ZKSCAN5: variants seen among roughly 807,000 people sequenced by gnomAD.
ZKSCAN5 encodes the protein zinc finger protein with KRAB and SCAN domains 5.
ZKSCAN5 carries 28 observed loss-of-function variants against 60.0 expected under a neutral mutation model. That is an observed-to-expected ratio of 0.47 (90% CI 0.35 to 0.64). The LOEUF (loss-of-function observed/expected upper bound fraction) is 0.64, where lower values mean the gene tolerates loss of function less well. Ranked by LOEUF, ZKSCAN5 falls within the 30% of genes least tolerant of loss-of-function variation. The pLI is 0.01. For synonymous variants in ZKSCAN5, 361 were observed against 371.2 expected (o/e 0.97, Z 0.31); for missense variants, 881 against 1,034.6 (o/e 0.85, Z 2.04).
Position 99,533,876 on chromosome 7 carries a change from A to G in ZKSCAN5, c.*1627A>G, listed in dbSNP as rs926744948. 2.9e-6 allele frequency: 1 copy of G among 350,092 alleles called. No homozygotes were observed. Among genetic ancestry groups the G allele is most frequent in the Non-Finnish European group, 5.1e-6 (1 of 195,832 alleles). 21.7% of individuals were successfully genotyped at this position (350,092 alleles called of 1,614,324 possible). A position where few individuals can be genotyped will look rare whatever the true frequency, so the allele number is the denominator to read the frequency against. On this transcript the variant is annotated 3_prime_UTR_variant, in exon 7 of 7. Coordinates refer to ENST00000326775, the MANE Select transcript of ZKSCAN5 (RefSeq NM_145102.4). ...TGCTTTAGAGAACCTGATCTAAGAC[A>G]TTTGGTGCCACAAGTGGTCATAGGA...
intron 2 of ZKSCAN5, 128 bp from the exon 3 acceptor site, chr7:99,512,325 G>A (rs1322167622): frequency 2.5e-6 from 3 of 1,200,106 alleles, no homozygotes; most frequent in African/African-American, 1.5e-5. Flanking sequence ...CATAATCAGT[G>A]CGTGGCTCAT....
rs889409659 is a variant in ZKSCAN5 at position 99,528,717 on chromosome 7, C to T, written c.1378+2299C>T. 5.9e-5 allele frequency among the ~76,000 whole-genome samples: 9 copies of T among 152,188 alleles called. No individual in the cohort carries two copies. In the East Asian group the frequency reaches 1.3e-3, roughly 23 times the overall value. On this transcript the variant is annotated intron_variant, in intron 6 of 6. Coordinates refer to ENST00000326775, the MANE Select transcript of ZKSCAN5 (RefSeq NM_145102.4). ...GCTAGGAGTTACAGGTGTGAGCCAC[C>T]ATGCCCGGTCCTCCCTCATTTTTCT... is the stretch of plus-strand genomic sequence containing the variant.
chr7:99,528,988 A>G (rs1723948972), intron 6 of ZKSCAN5, among the ~76,000 whole-genome samples: 1 of 152,090 alleles, frequency 6.6e-6, no homozygotes, highest in African/African-American at 2.4e-5. Context: ...GGATTGCTGT[A>G]TCACCCACCC....
At position 99,533,957 on chromosome 7, in the gene ZKSCAN5, C is replaced by T. The variant is rs1289127379; in HGVS notation, c.*1708C>T. ...TCACTCGCCAGGAGGGAGTGAAGACCCGCATCACTGTTAATAGTCCTGGCA... is the reference window on the plus strand; with the variant it reads ...TCACTCGCCAGGAGGGAGTGAAGACTCGCATCACTGTTAATAGTCCTGGCA... On this transcript the variant is annotated 3_prime_UTR_variant, in exon 7 of 7. Transcript: ENST00000326775. 2 of 227,116 alleles carry T rather than the reference C, an allele frequency of 8.8e-6. No homozygotes were observed. The highest frequency in any genetic ancestry group is 1.8e-4 in the South Asian group (1 of 5,472). The allele number at this position is 227,116 out of a possible 1,614,324, so 14.1% of individuals were successfully genotyped here.
rs1462381727 is a variant in ZKSCAN5, at chr7:99,520,068, C to T, written c.637-101C>T. ...GTCCTTCCCCATCCTCTTTGAGGCACAGTTCCTCCCCCTGTTTCTTTTCTT... is the reference window on the plus strand; with the variant it reads ...GTCCTTCCCCATCCTCTTTGAGGCATAGTTCCTCCCCCTGTTTCTTTTCTT... On this transcript the variant is annotated intron_variant, in intron 4 of 6. Transcript: ENST00000326775. 8 of 1,529,988 alleles carry T rather than the reference C, an allele frequency of 5.2e-6. No individual in the cohort carries two copies. The Admixed American group carries it at 1.1e-4, about 22-fold the overall frequency. 94.8% of individuals were successfully genotyped at this position (1,529,988 alleles called of 1,614,324 possible). A position where few individuals can be genotyped will look rare whatever the true frequency, so the allele number is the denominator to read the frequency against.
chr7:99,505,837 G>A (rs1800695773), intron 1 of ZKSCAN5, 168 bp from the exon 2 acceptor site: 1 of 514,642 alleles, frequency 1.9e-6, no homozygotes. Flanking sequence ...TGGCTACCTT[G>A]TAGTACCTAT....
At chr7:99,526,505 G>C in intron 6 of ZKSCAN5, 87 bp downstream of exon 6, 1 of 1,510,572 alleles carries the variant, frequency 6.6e-7, no homozygotes, top group Non-Finnish European at 8.8e-7. Context: ...GGACAGATGG[G>C]TGGTGATACT....
intron 1 of ZKSCAN5, chr7:99,505,188 G>A (rs1025996966): frequency 2.0e-5 from 3 of 150,860 alleles, no homozygotes; most frequent in Non-Finnish European, 4.4e-5. Flanking sequence ...TCCTAGAGAG[G>A]ACGCGGAAGT....
Position 99,520,177 on chromosome 7 carries a change from G to A in ZKSCAN5, c.645G>A (p.Val215=). Residue 215 remains valine, a synonymous_variant, in exon 5 of 7, where the codon GTG becomes GTA. Transcript: ENST00000326775. ...GAGATCTCCTGTTTCAGAAGTTGGTGAAAATTGAAGAGGTGGCTGATGTGG... is the reference window on the plus strand; with the variant it reads ...GAGATCTCCTGTTTCAGAAGTTGGTAAAAATTGAAGAGGTGGCTGATGTGG... The part of the protein sequence containing the change: ...SLLSTGSQKL[V]KIEEVADVAV... The A allele has an allele frequency of 6.2e-7, 1 of 1,611,900 alleles. No homozygotes were observed. Among genetic ancestry groups the A allele is most frequent in the South Asian group, 1.1e-5 (1 of 90,646 alleles).
intron 2 of ZKSCAN5, among the ~76,000 whole-genome samples, chr7:99,510,442 T>A (rs1187206294): frequency 6.6e-6 from 1 of 151,950 alleles, no homozygotes; most frequent in Non-Finnish European, 1.5e-5. Context: ...TTTTATTTAT[T>A]TAATTTAATA....
chr7:99,512,846 C>T (rs1163993696), intron 3 of ZKSCAN5, among the ~76,000 whole-genome samples: 1 of 150,990 alleles, frequency 6.6e-6, no homozygotes, highest in Admixed American at 6.6e-5. Flanking sequence ...TATTATTATA[C>T]TTTAAGTTGT....
In ZKSCAN5 at chr7:99,527,500, C is replaced by T. The variant is rs932830339; in HGVS notation, c.1378+1082C>T. 5.9e-5 allele frequency among the ~76,000 whole-genome samples: 9 copies of T among 151,924 alleles called. No individual in the cohort carries two copies. The East Asian group carries it at 9.6e-4, about 16-fold the overall frequency. On this transcript the variant is annotated intron_variant, in intron 6 of 6. Transcript: ENST00000326775. ...TTTTTATAAGTCTGTTTCACGTAGT[C>T]GTACTCAGAATTAAATATTAAGCGT... is the stretch of plus-strand genomic sequence containing the variant.
At position 99,532,972 on chromosome 7, in the gene ZKSCAN5, G is replaced by T; in HGVS notation, c.*723G>T. On this transcript the variant is annotated 3_prime_UTR_variant, in exon 7 of 7. Coordinates refer to ENST00000326775, the MANE Select transcript of ZKSCAN5 (RefSeq NM_145102.4). ...AGTAGTTCAGTTTGTCAATTCAGGA[G>T]AAACTGTACTGGTCAGTCACATCTT... 5.6e-6 allele frequency: 1 copy of T among 178,548 alleles called. No individual in the cohort carries two copies. The highest frequency in any genetic ancestry group is 1.2e-5 in the Non-Finnish European group (1 of 81,918). The allele number at this position is 178,548 out of a possible 1,614,324, so 11.1% of individuals were successfully genotyped here. A position where few individuals can be genotyped will look rare whatever the true frequency, so the allele number is the denominator to read the frequency against.
At chr7:99,511,310 T>C (rs189601816) in intron 2 of ZKSCAN5, among the ~76,000 whole-genome samples, 24 of 152,308 alleles carry the variant, frequency 1.6e-4, no homozygotes, top group Admixed American at 1.2e-3. Context: ...GTCTGTCCAG[T>C]GTGACTTACT....
At chr7:99,510,655 G>T (rs1800979806) in intron 2 of ZKSCAN5, among the ~76,000 whole-genome samples, 1 of 151,692 alleles carries the variant, frequency 6.6e-6, no homozygotes, top group Non-Finnish European at 1.5e-5. Context: ...TGTTGGTCAG[G>T]CTGGTCTCGA....
chr7:99,510,844 G>A (rs551576228), intron 2 of ZKSCAN5, among the ~76,000 whole-genome samples: 64 of 151,414 alleles, frequency 4.2e-4, no homozygotes, highest in African/African-American at 1.5e-3. Context: ...AGGCTCAAGC[G>A]ATCCTCCCCA....
intron 5 of ZKSCAN5, among the ~76,000 whole-genome samples, chr7:99,523,160 T>A (rs1801616922): frequency 1.4e-5 from 1 of 73,744 alleles, no homozygotes. Context: ...TGAGACCCTA[T>A]CTCAAAAAAA....
intron 3 of ZKSCAN5, among the ~76,000 whole-genome samples, chr7:99,516,362 C>T (rs1801264857): frequency 6.6e-6 from 1 of 152,148 alleles, no homozygotes; most frequent in Non-Finnish European, 1.5e-5. Flanking sequence ...TCACCATTTT[C>T]ATCAACTTCT....
rs538267735 is a variant in ZKSCAN5 at position 99,512,573 on chromosome 7, C to G, written c.535C>G (p.Arg179Gly). 6.2e-7 allele frequency: 1 copy of G among 1,614,046 alleles called. No homozygotes were observed. ...GCCTGAGCAAGCGCCACAGAAGCCT[C>G]GTCTCCTGGAGGAAAATGGTGAGGC... ...TQPEQAPQKP[R>G]LLEENALPVL... Residue 179 changes from arginine to glycine, a missense_variant, in exon 3 of 7, where the codon CGT (arginine) becomes GGT (glycine). This residue lies in a region of ZKSCAN5 where 490 missense variants were observed against 554.5 expected (regional missense o/e 0.88). Transcript: ENST00000326775.
Sources: gnomAD v4.1 joint callset for allele counts (sites outside exome capture counted in the v4.1 genomes callset) on GRCh38, gnomAD v4.1.1 for gene constraint, gnomAD v4.1.1 regional missense constraint, MANE v1.5 for transcripts, NCBI Gene and HGNC (gene_info 2026-07-23, HGNC 2026-07-21) for gene names.